CTCFL: variants seen among roughly 807,000 people sequenced by gnomAD.
CTCFL encodes transcriptional repressor CTCFL.
CTCFL carries 36 observed loss-of-function variants against 67.4 expected under a neutral mutation model. The ratio of observed to expected loss-of-function variants is 0.53; its 90% CI spans 0.41 to 0.71. The LOEUF (loss-of-function observed/expected upper bound fraction) is 0.71, where lower values mean the gene tolerates loss of function less well. Ranked by LOEUF, CTCFL falls within the 30% of genes least tolerant of loss-of-function variation. CTCFL has a pLI of 0.00. For synonymous variants in CTCFL, 324 were observed against 302.3 expected (o/e 1.07, Z -0.75); for missense variants, 786 against 835.2 (o/e 0.94, Z 0.73).
At chr20:57,498,728 A>T in intron 10 of CTCFL, 27 bp from the exon 11 acceptor site, 1 of 1,586,460 alleles carries the variant, frequency 6.3e-7, no homozygotes, top group Non-Finnish European at 8.6e-7. Flanking sequence ...GGATGAGCAA[A>T]TTTATCAGAA....
intron 10 of CTCFL, among the ~76,000 whole-genome samples, chr20:57,502,319 C>T (rs1047235237): frequency 2.0e-5 from 3 of 152,224 alleles, no homozygotes; most frequent in East Asian, 1.9e-4. Flanking sequence ...GCAGGATGCC[C>T]GCTTCTACCC....
At chr20:57,523,639 G>A (rs919623288) in intron 2 of CTCFL, 24 bp downstream of exon 2, 29 of 1,592,970 alleles carry the variant, frequency 1.8e-5, no homozygotes, top group Admixed American at 1.8e-4. Context: ...CATGTAAGGG[G>A]TTGTTTATTA....
intron 9 of CTCFL, among the ~76,000 whole-genome samples, chr20:57,505,829 G>A (rs1054801660): frequency 1.3e-5 from 2 of 152,148 alleles, no homozygotes; most frequent in Non-Finnish European, 2.9e-5. Flanking sequence ...ATAATCTTAA[G>A]TCAGAAAATT....
At chr20:57,502,112 A>C (rs942951983) in intron 10 of CTCFL, among the ~76,000 whole-genome samples, 2 of 152,236 alleles carry the variant, frequency 1.3e-5, no homozygotes, top group African/African-American at 4.8e-5. Flanking sequence ...GGGACCCCTC[A>C]GTCTCACCAG....
Position 57,514,585 on chromosome 20 carries a change from C to T in CTCFL, c.1330+7G>A, listed in dbSNP as rs755172498. Reference sequence around the variant, plus strand: ...TGTAGTAAAAGAAAGATCGCTAAACCACTCACGTAGGTCGCTTTTCCGTGC... The same window carrying T: ...TGTAGTAAAAGAAAGATCGCTAAACTACTCACGTAGGTCGCTTTTCCGTGC... On this transcript the variant is annotated splice_region_variant and intron_variant, in intron 7 of 10. Transcript: ENST00000243914. 27 of 1,613,896 alleles carry T rather than the reference C, an allele frequency of 1.7e-5. No individual in the cohort carries two copies. The highest frequency in any genetic ancestry group is 2.2e-5 in the Non-Finnish European group (26 of 1,179,864).
chr20:57,504,266 G>A (rs975502154), intron 9 of CTCFL, among the ~76,000 whole-genome samples: 26 of 146,070 alleles, frequency 1.8e-4, no homozygotes, highest in Non-Finnish European at 2.7e-4. Context: ...ATGAGCCACT[G>A]CACCCGCCCC....
At chr20:57,507,357 A>C in intron 9 of CTCFL, 22 of 536,268 alleles carry the variant, frequency 4.1e-5, no homozygotes, top group East Asian at 9.7e-5. Flanking sequence ...ACGCCTAGCT[A>C]TTTTCTTTTT....
At chr20:57,507,160 T>A (rs1161297602) in intron 9 of CTCFL, 2 of 510,192 alleles carry the variant, frequency 3.9e-6, no homozygotes, top group Non-Finnish European at 5.2e-6. Flanking sequence ...TGGGTGGGAC[T>A]TCATGGTTCA....
At chr20:57,505,307 G>C (rs1362764554) in intron 9 of CTCFL, among the ~76,000 whole-genome samples, 5 of 151,592 alleles carry the variant, frequency 3.3e-5, no homozygotes, top group Admixed American at 6.6e-5. Context: ...CTAGGCTGGA[G>C]TGCAGTGGCA....
At chr20:57,521,319 A>G (rs2069343299) in intron 3 of CTCFL, among the ~76,000 whole-genome samples, 1 of 152,230 alleles carries the variant, frequency 6.6e-6, no homozygotes, top group Non-Finnish European at 1.5e-5. Context: ...GATAGTCAAC[A>G]CCTTTCGTCA....
chr20:57,516,996 C>G (rs1317938370), intron 5 of CTCFL, among the ~76,000 whole-genome samples: 4 of 152,192 alleles, frequency 2.6e-5, no homozygotes, highest in Non-Finnish European at 4.4e-5. Context: ...CACACTCCAT[C>G]TGCCTCCCCA....
chr20:57,504,118 A>G (rs1341293795), intron 9 of CTCFL, among the ~76,000 whole-genome samples: 6 of 151,752 alleles, frequency 4.0e-5, no homozygotes, highest in Non-Finnish European at 8.8e-5. Flanking sequence ...CTGGGACTAC[A>G]GGCACCCGTC....
At chr20:57,516,016 T>C (rs546866171) in intron 5 of CTCFL, among the ~76,000 whole-genome samples, 182 bp from the exon 6 acceptor site, 2 of 152,242 alleles carry the variant, frequency 1.3e-5, no homozygotes, top group East Asian at 1.9e-4. Context: ...TTATGGGTGA[T>C]TTTATCTCAT....
At chr20:57,509,802 AC>A (rs1288197442) in intron 8 of CTCFL, among the ~76,000 whole-genome samples, 1 of 151,426 alleles carries the variant, frequency 6.6e-6, no homozygotes. Context: ...TCACCTCATC[AC>A]CCTCCTTTGG....
chr20:57,517,383 T>G (rs2069007147), intron 5 of CTCFL, among the ~76,000 whole-genome samples: 1 of 151,772 alleles, frequency 6.6e-6, no homozygotes, highest in South Asian at 2.1e-4. Flanking sequence ...TTCAAGTGAT[T>G]TTCCTGCCTC....
chr20:57,503,545 A>G lies in CTCFL; in HGVS notation c.1731T>C (p.Ala577=). The change falls in exon 10 of 11, where the codon GCT becomes GCC. Residue 577 remains alanine, a synonymous_variant. Transcript: ENST00000243914. ...TTCTTGTTCTTCTTCCCTTTCCTGA[A>G]GCAGCCGACTTTGCTTCCCCTGATC... ...KCGSGEAKSA[A]SGKGRRTRKR... 1 of 1,613,790 alleles carries G rather than the reference A, an allele frequency of 6.2e-7. No individual in the cohort carries two copies. The highest frequency in any genetic ancestry group is 8.5e-7 in the Non-Finnish European group (1 of 1,179,950).
At chr20:57,524,486 A>G in intron 1 of CTCFL, 1 of 1,242,398 alleles carries the variant, frequency 8.0e-7, no homozygotes, top group Non-Finnish European at 1.0e-6. Context: ...GCCAGCACAC[A>G]TCCTGCGCCT....
At chr20:57,507,571 T>A in intron 9 of CTCFL, 1 of 702,766 alleles carries the variant, frequency 1.4e-6, no homozygotes, top group Non-Finnish European at 2.6e-6. Context: ...TTGCTCTGAG[T>A]CAGGAGGACA....
chr20:57,523,241 T>C lies in CTCFL; in HGVS notation c.581A>G (p.Glu194Gly), dbSNP rs1161383727. 6.2e-7 allele frequency: 1 copy of C among 1,614,016 alleles called. No homozygotes were observed. Among genetic ancestry groups the C allele is most frequent in the Non-Finnish European group, 8.5e-7 (1 of 1,180,008 alleles). ...AAAAAAGAGCTGCTCCTTTGTTCTT[T>C]CAGCCAATAACTGGTTCTTCTCCTG... ...EEQEKNQLLA[E>G]RTKEQLFFVE... The change falls in exon 3 of 11, where the codon GAA becomes GGA. Residue 194 changes from glutamate to glycine, a missense_variant. Glu to Gly is a moderately conservative substitution (Grantham distance 98). Coordinates refer to ENST00000243914, the MANE Select transcript of CTCFL (RefSeq NM_001386993.1).
Sources: allele counts gnomAD v4.1 joint callset (sites outside exome capture counted in the v4.1 genomes callset), GRCh38; gene constraint gnomAD v4.1.1; transcripts MANE v1.5; gene names NCBI Gene and HGNC (gene_info 2026-07-23, HGNC 2026-07-21).